Variants in MORN1 observed in about 807,000 individuals in gnomAD.
MORN1 encodes MORN repeat containing 1.
Under a neutral mutation model 61.9 loss-of-function variants are expected in MORN1, and 67 were observed. That is an observed-to-expected ratio of 1.08 (90% confidence interval 0.89 to 1.33). The LOEUF is 1.33. MORN1 is among the 40% of genes most tolerant of loss of function. The probability of loss-of-function intolerance (pLI) is 0.00; values close to 1 mark genes in which losing one functional copy is unlikely to be tolerated. For missense variants in MORN1, 752 were observed against 691.2 expected, an observed-to-expected ratio of 1.09 and a Z score of -0.99; for synonymous variants, 301 against 292.0, an observed-to-expected ratio of 1.03 and a Z score of -0.31.
intron 6 of MORN1, chr1:2,377,031 G>A (rs1360751507): frequency 6.6e-6 from 1 of 152,184 alleles, no homozygotes; most frequent in African/African-American, 2.4e-5. Context: ...GCACAGTCCA[G>A]GCCGATGCCC....
At chr1:2,322,924 G>A (rs1218649382) in intron 13 of MORN1, 9 of 985,328 alleles carry the variant, frequency 9.1e-6, no homozygotes, top group Non-Finnish European at 9.6e-6. Flanking sequence ...CGACGGCCAC[G>A]TGATCTAGCC....
At chr1:2,343,707 T>C (rs1225574859) in intron 10 of MORN1, among the ~76,000 whole-genome samples, 1 of 152,148 alleles carries the variant, frequency 6.6e-6, no homozygotes, top group Admixed American at 6.5e-5. Flanking sequence ...CGCGGAGCCT[T>C]GGAAGCAGCT....
In MORN1 at chr1:2,361,741, C is replaced by T. The variant is rs754990913; in HGVS notation, c.746-3026G>A. 7.1e-4 allele frequency among the ~76,000 whole-genome samples: 108 copies of T among 152,220 alleles called. 1 individual carries two copies. Among genetic ancestry groups the T allele is most frequent in the Non-Finnish European group, 1.8e-4 (12 of 68,024 alleles). ...CCTTGGCCAACGTGGGGATGAGGGC[C>T]GCTGACCCTCCATGCGGCTGAACAT... On this transcript the variant is annotated intron_variant, in intron 8 of 13. Transcript: ENST00000378531.
At chr1:2,333,755 A>G (rs367613088) in intron 12 of MORN1, among the ~76,000 whole-genome samples, 2 of 152,214 alleles carry the variant, frequency 1.3e-5, no homozygotes, top group East Asian at 1.9e-4. Context: ...GCCTGCCGAC[A>G]GTGAGCCCTC....
At chr1:2,390,793 G>C in intron 1 of MORN1, 1 of 974,114 alleles carries the variant, frequency 1.0e-6, no homozygotes, top group Non-Finnish European at 1.2e-6. Flanking sequence ...CTGTCGCCCA[G>C]GCTGGGGTGC....
At chr1:2,328,187 C>T (rs914520572) in intron 12 of MORN1, among the ~76,000 whole-genome samples, 1 of 152,264 alleles carries the variant, frequency 6.6e-6, no homozygotes, top group Non-Finnish European at 1.5e-5. Context: ...TCCTCATGCA[C>T]GGCTTTGGTG....
chr1:2,360,637 G>A (rs1569992406), intron 8 of MORN1, among the ~76,000 whole-genome samples: 2 of 152,224 alleles, frequency 1.3e-5, no homozygotes, highest in Non-Finnish European at 2.9e-5. Flanking sequence ...CTGAGTAGAG[G>A]GAGGACCCTG....
chr1:2,387,270 C>G (rs111413818), intron 4 of MORN1, 149 bp downstream of exon 4: 8,428 of 675,748 alleles, frequency 0.012, 77 homozygotes, highest in Middle Eastern at 0.031. Context: ...CCTGGTGGTG[C>G]GGAGAAGAGG....
chr1:2,374,357 C>T, intron 7 of MORN1, 104 bp downstream of exon 7: 2 of 951,904 alleles, frequency 2.1e-6, no homozygotes, highest in Non-Finnish European at 3.2e-6. Flanking sequence ...CCCCACCCCT[C>T]CCCAGTGTGC....
At chr1:2,347,352 G>A (rs567369303) in intron 10 of MORN1, among the ~76,000 whole-genome samples, 9 of 152,308 alleles carry the variant, frequency 5.9e-5, no homozygotes, top group Non-Finnish European at 1.0e-4. Flanking sequence ...CAGATGGCCC[G>A]TGTGTGTGCT....
At chr1:2,388,624 TA>T in intron 2 of MORN1, 1 of 352,282 alleles carries the variant, frequency 2.8e-6, no homozygotes, top group Non-Finnish European at 5.3e-6. Flanking sequence ...CACAAAATTT[TA>T]AAAATTAGCC....
chr1:2,382,022 C>A (rs1224170696), intron 6 of MORN1, among the ~76,000 whole-genome samples: 1 of 152,156 alleles, frequency 6.6e-6, no homozygotes, highest in Non-Finnish European at 1.5e-5. Flanking sequence ...TGGTGACCAG[C>A]AAGCAGTGTG....
Position 2,324,072 on chromosome 1 carries a change from A to T in MORN1, c.1297+25T>A, listed in dbSNP as rs1410204747. 4.4e-6 allele frequency: 7 copies of T among 1,586,726 alleles called. No homozygotes were observed. In the Admixed American group the frequency reaches 1.3e-4, roughly 28 times the overall value. The stretch of plus-strand genomic sequence containing the variant: ...TCTCCAGACAGTGGCACAGCCGGCG[A>T]TGGACTTGGGCCCTGTCCACCTACC... On this transcript the variant is annotated intron_variant, in intron 13 of 13. Transcript: ENST00000378531.
chr1:2,391,490 C>G lies in MORN1; in HGVS notation c.44G>C (p.Arg15Pro). The change falls in exon 1 of 14, where the codon CGT becomes CCT. Residue 15 changes from arginine to proline, a missense_variant. Arg to Pro is a moderately radical substitution (Grantham distance 103). Transcript: ENST00000378531. The stretch of plus-strand genomic sequence containing the variant: ...GGGCGGCCGCCTAGGCGGGTCCCGA[C>G]GCGGCCCGCGGGAGCTCGGGGTGCC... ...GEGTPSSRGPRRDPPRRPPRN... is the reference protein window; with the variant it reads ...GEGTPSSRGPPRDPPRRPPRN... 2 of 1,252,200 alleles carry G rather than the reference C, an allele frequency of 1.6e-6. No homozygotes were observed. The highest frequency in any genetic ancestry group is 2.0e-6 in the Non-Finnish European group (2 of 992,280). The allele number at this position is 1,252,200 out of a possible 1,614,324, so 77.6% of individuals were successfully genotyped here. A position where few individuals can be genotyped will look rare whatever the true frequency, so the allele number is the denominator to read the frequency against.
chr1:2,390,935 C>T (rs1046883479), intron 1 of MORN1, among the ~76,000 whole-genome samples: 1 of 152,056 alleles, frequency 6.6e-6, no homozygotes, highest in Admixed American at 6.5e-5. Context: ...TAGTAGAGAC[C>T]GGGTTTCGCC....
chr1:2,322,586 C>T (rs980122942), intron 13 of MORN1: 26 of 985,074 alleles, frequency 2.6e-5, no homozygotes, highest in African/African-American at 5.2e-5. Context: ...TGGGGGGCCT[C>T]GCCAGGGGGA....
chr1:2,336,167 C>T (rs577463277), intron 12 of MORN1, among the ~76,000 whole-genome samples: 1 of 152,372 alleles, frequency 6.6e-6, no homozygotes, highest in African/African-American at 2.4e-5. Context: ...TCCTGCCTCT[C>T]TGCTTCTGCA....
At chr1:2,355,101 G>A (rs1355081210) in intron 10 of MORN1, 1 of 1,005,596 alleles carries the variant, frequency 9.9e-7, no homozygotes, top group East Asian at 8.7e-5. Flanking sequence ...GCGGGGTAGG[G>A]TGCGATGCAG....
intron 10 of MORN1, among the ~76,000 whole-genome samples, chr1:2,343,761 C>T (rs1339589550): frequency 1.3e-5 from 2 of 152,198 alleles, no homozygotes; most frequent in African/African-American, 4.8e-5. Flanking sequence ...GGCCAGCTTT[C>T]CCGGGGACTG....
Sources: gnomAD v4.1 joint callset for allele counts (sites outside exome capture counted in the v4.1 genomes callset) on GRCh38, gnomAD v4.1.1 for gene constraint, MANE v1.5 for transcripts, NCBI Gene and HGNC (gene_info 2026-07-23, HGNC 2026-07-21) for gene names.